The following WWOX variants were observed in gnomAD, a reference collection of about 807,000 sequenced individuals.
The protein encoded by WWOX is WW domain-containing oxidoreductase.
Under a neutral mutation model 46.2 loss-of-function variants are expected in WWOX, and 69 were observed. The ratio of observed to expected loss-of-function variants is 1.49; its 90% CI spans 1.23 to 1.82. The LOEUF is 1.82. WWOX is among the 40% of genes most tolerant of loss of function. The pLI, the probability that WWOX is intolerant of heterozygous loss-of-function variation, is 0.00. For missense variants in WWOX, 919 were observed against 542.6 expected (o/e 1.69, Z -6.89); for synonymous variants, 359 against 202.6 (o/e 1.77, Z -6.56).
At chr16:79,162,430 T>G (rs2050505125) in intron 8 of WWOX, among the ~76,000 whole-genome samples, 1 of 152,202 alleles carries the variant, frequency 6.6e-6, no homozygotes, top group Non-Finnish European at 1.5e-5. Flanking sequence ...GGGCTTCTTC[T>G]GGATTCCGTA....
intron 8 of WWOX, among the ~76,000 whole-genome samples, chr16:79,153,943 A>G (rs1284098004): frequency 5.0e-5 from 7 of 140,428 alleles, no homozygotes; most frequent in Admixed American, 3.4e-4. Flanking sequence ...ACTGTCCACA[A>G]TTTCTTGTCC....
chr16:78,436,984 C>G (rs1289742972), intron 8 of WWOX, among the ~76,000 whole-genome samples: 1 of 152,222 alleles, frequency 6.6e-6, no homozygotes, highest in African/African-American at 2.4e-5. Context: ...GATTGAGAAG[C>G]TTAGCATAGA....
chr16:78,727,583 G>A (rs549759142), intron 8 of WWOX, among the ~76,000 whole-genome samples: 2 of 152,274 alleles, frequency 1.3e-5, no homozygotes, highest in East Asian at 1.9e-4. Context: ...TGGGGGCCCT[G>A]GTGCTACTGC....
intron 5 of WWOX, among the ~76,000 whole-genome samples, chr16:78,234,439 T>C (rs9927818): frequency 0.51 from 76,713 of 151,640 alleles, 19,839 homozygotes; most frequent in Admixed American, 0.62. Context: ...ACTTTCGCCA[T>C]ACCGCTGGCT....
chr16:78,408,118 G>A (rs1166473955), intron 6 of WWOX, among the ~76,000 whole-genome samples: 1 of 152,148 alleles, frequency 6.6e-6, no homozygotes, highest in Non-Finnish European at 1.5e-5. Context: ...CTTCCAAGTT[G>A]AAGACAGTTT....
At chr16:78,574,016 T>G (rs1199583371) in intron 8 of WWOX, among the ~76,000 whole-genome samples, 1 of 152,164 alleles carries the variant, frequency 6.6e-6, no homozygotes, top group Non-Finnish European at 1.5e-5. Context: ...AGAATTGGCT[T>G]CCCAAATCAC....
chr16:78,757,231 T>G (rs910020120), intron 8 of WWOX, among the ~76,000 whole-genome samples: 6 of 152,222 alleles, frequency 3.9e-5, no homozygotes, highest in African/African-American at 1.4e-4. Flanking sequence ...TAATTTGTTA[T>G]ACAACAGTGG....
intron 8 of WWOX, among the ~76,000 whole-genome samples, chr16:78,967,262 G>A (rs2046378865): frequency 1.3e-5 from 2 of 148,444 alleles, no homozygotes; most frequent in African/African-American, 4.9e-5. Flanking sequence ...CAACTGGGAG[G>A]CAACTACTCC....
intron 6 of WWOX, among the ~76,000 whole-genome samples, chr16:78,388,745 G>A (rs1220609727): frequency 6.0e-5 from 9 of 151,144 alleles, no homozygotes; most frequent in South Asian, 2.1e-4. Context: ...CGAGGTGGGC[G>A]GATCACCTGA....
At chr16:78,625,984 A>G (rs1304096636) in intron 8 of WWOX, among the ~76,000 whole-genome samples, 2 of 151,680 alleles carry the variant, frequency 1.3e-5, no homozygotes, top group Non-Finnish European at 2.9e-5. Context: ...TAATGGCACC[A>G]ACCTAATATT....
intron 5 of WWOX, among the ~76,000 whole-genome samples, chr16:78,295,020 G>T (rs1264157895): frequency 6.6e-6 from 1 of 152,156 alleles, no homozygotes; most frequent in Non-Finnish European, 1.5e-5. Flanking sequence ...AGTCTGGGTT[G>T]TCCCCTGCCC....
chr16:78,564,816 T>A (rs2151563866), intron 8 of WWOX, among the ~76,000 whole-genome samples: 1 of 152,326 alleles, frequency 6.6e-6, no homozygotes, highest in South Asian at 2.1e-4. Flanking sequence ...AAGATCTATT[T>A]ACGGATCATC....
intron 8 of WWOX, among the ~76,000 whole-genome samples, chr16:78,993,423 C>G (rs781680082): frequency 1.3e-5 from 2 of 152,168 alleles, no homozygotes; most frequent in African/African-American, 4.8e-5. Context: ...CGCCTCTCCT[C>G]TCGGACATGA....
chr16:78,726,795 G>T (rs2142370789), intron 8 of WWOX, among the ~76,000 whole-genome samples: 1 of 152,132 alleles, frequency 6.6e-6, no homozygotes, highest in South Asian at 2.1e-4. Flanking sequence ...GGGCAATGAG[G>T]AGGTAGTCCA....
At chr16:78,568,265 G>A (rs372880089) in intron 8 of WWOX, among the ~76,000 whole-genome samples, 16 of 151,954 alleles carry the variant, frequency 1.1e-4, no homozygotes, top group East Asian at 3.9e-4. Flanking sequence ...TGAGGTACGG[G>A]ATGAAGATGA....
At chr16:78,221,091 G>C (rs921133697) in intron 5 of WWOX, among the ~76,000 whole-genome samples, 2 of 152,110 alleles carry the variant, frequency 1.3e-5, no homozygotes, top group Non-Finnish European at 2.9e-5. Context: ...ACAGAGTTAA[G>C]CTCGGTTCAT....
At chr16:78,644,745 G>A (rs1259624723) in intron 8 of WWOX, among the ~76,000 whole-genome samples, 1 of 152,190 alleles carries the variant, frequency 6.6e-6, no homozygotes, top group Non-Finnish European at 1.5e-5. Context: ...TTACAGGCGT[G>A]AGCCACTGTG....
At chr16:78,511,482 A>AG (rs1243464402) in intron 8 of WWOX, among the ~76,000 whole-genome samples, 3 of 152,240 alleles carry the variant, frequency 2.0e-5, no homozygotes, top group Non-Finnish European at 4.4e-5. Context: ...AGTACTTCAG[A>AG]GGGCAGGCCT....
chr16:78,999,211 C>A lies in WWOX; in HGVS notation c.1057-212397C>A, dbSNP rs117869369. 8.6e-4 allele frequency among the ~76,000 whole-genome samples: 131 copies of A among 151,782 alleles called. 4 individuals are homozygous for A. The East Asian group carries it at 0.023, about 27-fold the overall frequency. ...ATCAGCCAGGGGCAGCGGGTCATAC[C>A]TGTAATCCCAGCACTTTGGGAGGCC... On this transcript the variant is annotated intron_variant, in intron 8 of 8. Coordinates refer to ENST00000566780, the MANE Select transcript of WWOX (RefSeq NM_016373.4).
Sources: allele counts gnomAD v4.1 joint callset (sites outside exome capture counted in the v4.1 genomes callset), GRCh38; gene constraint gnomAD v4.1.1; transcripts MANE v1.5; gene names NCBI Gene and HGNC (gene_info 2026-07-23, HGNC 2026-07-21).